LHFPL6: variants seen among roughly 807,000 people sequenced by gnomAD.
LHFPL6 encodes LHFPL tetraspan subfamily member 6.
Under a neutral mutation model 20.6 loss-of-function variants are expected in LHFPL6, and 9 were observed. That is an observed-to-expected ratio of 0.44 (90% confidence interval 0.26 to 0.76). The LOEUF is 0.76. LHFPL6 is among the 30% of genes least tolerant of loss of function. LHFPL6 has a pLI of 0.20. For synonymous variants in LHFPL6, 105 were observed against 98.7 expected (o/e 1.06, Z -0.38); for missense variants, 218 against 253.5 (o/e 0.86, Z 0.95).
chr13:39,384,631 C>T (rs1451089581), intron 2 of LHFPL6, among the ~76,000 whole-genome samples: 1 of 152,172 alleles, frequency 6.6e-6, no homozygotes, highest in Non-Finnish European at 1.5e-5. Flanking sequence ...AGAAAATTTT[C>T]TGGAATTTGA....
chr13:39,541,359 C>T (rs566343203), intron 2 of LHFPL6, among the ~76,000 whole-genome samples: 88 of 152,324 alleles, frequency 5.8e-4, no homozygotes, highest in Middle Eastern at 3.4e-3. Flanking sequence ...CTCAATTCTG[C>T]AGACATACTG....
At chr13:39,591,097 A>G (rs1361865324) in intron 2 of LHFPL6, among the ~76,000 whole-genome samples, 3 of 152,244 alleles carry the variant, frequency 2.0e-5, no homozygotes, top group Non-Finnish European at 2.9e-5. Context: ...AAAACTCTAT[A>G]TCCCACTATT....
intron 2 of LHFPL6, among the ~76,000 whole-genome samples, chr13:39,507,221 A>G (rs1018740512): frequency 2.0e-5 from 3 of 152,226 alleles, no homozygotes. Context: ...CGGGTAGCCA[A>G]CAGAAGCTAC....
chr13:39,523,217 T>C (rs1159212690), intron 2 of LHFPL6, among the ~76,000 whole-genome samples: 2 of 152,144 alleles, frequency 1.3e-5, no homozygotes, highest in African/African-American at 2.4e-5. Context: ...TTATCCCTAT[T>C]ATGGAGGGTT....
chr13:39,524,943 T>C (rs1462122955), intron 2 of LHFPL6, among the ~76,000 whole-genome samples: 2 of 152,224 alleles, frequency 1.3e-5, no homozygotes, highest in African/African-American at 4.8e-5. Context: ...TAAAACTTAC[T>C]GAATTATTCC....
rs138585019 is a variant in LHFPL6, at chr13:39,554,036, G to C, written c.385+46796C>G. On this transcript the variant is annotated intron_variant, in intron 2 of 3. Coordinates refer to ENST00000379589, the MANE Select transcript of LHFPL6 (RefSeq NM_005780.3). ...GGTGGCTTGTTATACCTTATGAAAG[G>C]CTCATCTACCTTTCAAAGTTGCTCC... Among the ~76,000 whole-genome samples the C allele has an allele frequency of 7.4e-3, 1,130 of 152,258 alleles. 11 individuals are homozygous for C. Among genetic ancestry groups the C allele is most frequent in the Non-Finnish European group, 1.0e-2 (679 of 68,012 alleles).
At chr13:39,491,122 G>A (rs746862156) in intron 2 of LHFPL6, among the ~76,000 whole-genome samples, 12 of 152,162 alleles carry the variant, frequency 7.9e-5, no homozygotes, top group African/African-American at 1.9e-4. Context: ...TATAGAAAAC[G>A]AGAAACGTAT....
At chr13:39,522,055 C>G (rs964806739) in intron 2 of LHFPL6, among the ~76,000 whole-genome samples, 1 of 152,268 alleles carries the variant, frequency 6.6e-6, no homozygotes, top group South Asian at 2.1e-4. Context: ...CTTACTAATC[C>G]ACTATGTGCA....
chr13:39,365,919 A>G (rs1869998670), intron 3 of LHFPL6, among the ~76,000 whole-genome samples: 1 of 152,208 alleles, frequency 6.6e-6, no homozygotes, highest in Admixed American at 6.5e-5. Flanking sequence ...TGCATCAGTA[A>G]GGCTGTACTG....
At chr13:39,345,589 A>AGCCTGTT (rs1869380389) in intron 3 of LHFPL6, among the ~76,000 whole-genome samples, 1 of 151,064 alleles carries the variant, frequency 6.6e-6, no homozygotes, top group East Asian at 1.9e-4. Context: ...GCAGGAAAAC[A>AGCCTGTT]GCCTGTTGCT....
intron 2 of LHFPL6, among the ~76,000 whole-genome samples, chr13:39,493,306 T>TAAAA (rs201558669): frequency 8.5e-6 from 1 of 118,290 alleles, no homozygotes; most frequent in East Asian, 2.2e-4. Flanking sequence ...CCATCTCTAC[T>TAAAA]AAAAAAAAAA....
intron 3 of LHFPL6, among the ~76,000 whole-genome samples, chr13:39,371,479 C>T (rs1164289450): frequency 6.6e-6 from 1 of 152,214 alleles, no homozygotes; most frequent in Non-Finnish European, 1.5e-5. Flanking sequence ...TCCTGTCCAA[C>T]TGCAAACATT....
chr13:39,511,445 CT>C (rs1425923458), intron 2 of LHFPL6, among the ~76,000 whole-genome samples: 3 of 149,364 alleles, frequency 2.0e-5, no homozygotes, highest in African/African-American at 5.0e-5. Flanking sequence ...TTCCTAACCC[CT>C]GTCAATTGAT....
At chr13:39,431,816 T>C (rs1871819104) in intron 2 of LHFPL6, among the ~76,000 whole-genome samples, 1 of 151,552 alleles carries the variant, frequency 6.6e-6, no homozygotes, top group Non-Finnish European at 1.5e-5. Context: ...CACCCAGCTA[T>C]CACTCCAGCC....
intron 2 of LHFPL6, among the ~76,000 whole-genome samples, chr13:39,397,811 G>C (rs189340076): frequency 1.1e-4 from 16 of 152,232 alleles, no homozygotes; most frequent in African/African-American, 3.6e-4. Context: ...TGTTGGAAAG[G>C]GGGGGTTACT....
chr13:39,534,734 T>C (rs1870565128), intron 2 of LHFPL6, among the ~76,000 whole-genome samples: 1 of 152,194 alleles, frequency 6.6e-6, no homozygotes, highest in South Asian at 2.1e-4. Flanking sequence ...ATGCTTTTAC[T>C]ATATACCCTT....
intron 3 of LHFPL6, among the ~76,000 whole-genome samples, chr13:39,349,885 C>G (rs1005303732): frequency 6.6e-6 from 1 of 152,094 alleles, no homozygotes; most frequent in Non-Finnish European, 1.5e-5. Flanking sequence ...TAAAGTATTG[C>G]TCAAGTAAGA....
At chr13:39,361,478 C>T (rs113852554) in intron 3 of LHFPL6, among the ~76,000 whole-genome samples, 3 of 152,160 alleles carry the variant, frequency 2.0e-5, no homozygotes, top group East Asian at 1.9e-4. Flanking sequence ...CCATGACACC[C>T]GGCTAATTTT....
intron 3 of LHFPL6, among the ~76,000 whole-genome samples, chr13:39,366,560 A>T (rs1221354213): frequency 1.3e-5 from 2 of 152,240 alleles, no homozygotes; most frequent in African/African-American, 4.8e-5. Flanking sequence ...TTGTAACAGT[A>T]GTCTTAAGAA....
Sources: gnomAD v4.1 joint callset for allele counts (sites outside exome capture counted in the v4.1 genomes callset) on GRCh38, gnomAD v4.1.1 for gene constraint, MANE v1.5 for transcripts, NCBI Gene and HGNC (gene_info 2026-07-23, HGNC 2026-07-21) for gene names.